Variants in RP1 observed in about 807,000 individuals in gnomAD.
RP1 encodes the protein oxygen-regulated protein 1.
RP1 carries 16 observed loss-of-function variants against 14.8 expected under a neutral mutation model. That is an observed-to-expected ratio of 1.08 (90% CI 0.73 to 1.65). The LOEUF is 1.65. RP1 is among the 40% of genes most tolerant of loss of function. The pLI is 0.00. For missense variants in RP1, 2,631 were observed against 2,535.0 expected, an observed-to-expected ratio of 1.04 and a Z score of -0.81; for synonymous variants, 876 against 883.6, an observed-to-expected ratio of 0.99 and a Z score of 0.15.
exon 12 of RP1, chr8:54,679,872 G>T (rs1299843730): frequency 2.6e-6 from 4 of 1,536,080 alleles, no homozygotes; most frequent in Non-Finnish European, 3.5e-6. Context: ...TGACTGGAGG[G>T]TTTGTCCGTT....
In RP1 at chr8:54,746,765, T is replaced by TA. The variant is rs543413355; in HGVS notation, c.2808+7742dup. Among the ~76,000 whole-genome samples, 39 of 152,318 alleles carry TA rather than the reference T, an allele frequency of 2.6e-4. 1 individual carries two copies. In the East Asian group the frequency reaches 6.9e-3, roughly 27 times the overall value. On this transcript the variant is annotated intron_variant, in intron 19 of 22. Transcript: ENST00000636932. ...GAAAGATGTTTAATTTCTAAAAAGT[T>TA]AAAAAATCACTTTTTCTCTAGGTTT...
chr8:54,662,474 C>A (rs931997498), intron 6 of RP1, among the ~76,000 whole-genome samples: 2 of 152,154 alleles, frequency 1.3e-5, no homozygotes, highest in Admixed American at 6.6e-5. Flanking sequence ...CCAGTTCCAC[C>A]AAACAGAAGA....
chr8:54,567,694 C>A (rs1193870438), intron 1 of RP1, among the ~76,000 whole-genome samples: 1 of 152,048 alleles, frequency 6.6e-6, no homozygotes. Context: ...AGATTTGAGA[C>A]CATGTAACAA....
At chr8:54,677,928 A>G (rs990011746) in intron 8 of RP1, among the ~76,000 whole-genome samples, 1 of 152,178 alleles carries the variant, frequency 6.6e-6, no homozygotes, top group Non-Finnish European at 1.5e-5. Flanking sequence ...TTGCAAATTA[A>G]TATGAAATTA....
chr8:54,593,602 G>GTA (rs1470145726), intron 1 of RP1, among the ~76,000 whole-genome samples: 1 of 152,172 alleles, frequency 6.6e-6, no homozygotes, highest in Non-Finnish European at 1.5e-5. Context: ...GCCACATCCA[G>GTA]TGTATGCAAA....
chr8:54,635,435 G>A (rs966768097), downstream of RP1, among the ~76,000 whole-genome samples: 1 of 152,088 alleles, frequency 6.6e-6, no homozygotes, highest in Non-Finnish European at 1.5e-5. Flanking sequence ...TAGGTTCATG[G>A]GAAAACATGA....
chr8:54,571,587 G>A (rs141319578), intron 1 of RP1, among the ~76,000 whole-genome samples: 52 of 152,316 alleles, frequency 3.4e-4, no homozygotes, highest in African/African-American at 1.2e-3. Flanking sequence ...ATCAGCTCAA[G>A]TCTTCCTTTT....
intron 19 of RP1, among the ~76,000 whole-genome samples, chr8:54,745,504 G>A (rs1319516972): frequency 6.6e-6 from 1 of 152,142 alleles, no homozygotes; most frequent in Admixed American, 6.5e-5. Context: ...AGTTTTTATG[G>A]TAATGTTCTC....
At chr8:54,779,241 AT>A (rs1810121589) in intron 23 of RP1, among the ~76,000 whole-genome samples, 1 of 152,174 alleles carries the variant, frequency 6.6e-6, no homozygotes, top group South Asian at 2.1e-4. Flanking sequence ...CTTTCACTGA[AT>A]CTTCCTGTGT....
chr8:54,757,776 G>A (rs1039345168), intron 21 of RP1, among the ~76,000 whole-genome samples: 11 of 152,206 alleles, frequency 7.2e-5, no homozygotes, highest in African/African-American at 2.2e-4. Flanking sequence ...ACTTGCATTT[G>A]CTACAACAGG....
chr8:54,640,807 T>C (rs1350916002), intron 3 of RP1, among the ~76,000 whole-genome samples: 1 of 152,126 alleles, frequency 6.6e-6, no homozygotes, highest in Admixed American at 6.5e-5. Context: ...TACTTAGAAG[T>C]TACTTATTTT....
chr8:54,759,649 C>T (rs1451483066), intron 22 of RP1, among the ~76,000 whole-genome samples: 5 of 152,158 alleles, frequency 3.3e-5, no homozygotes, highest in Non-Finnish European at 7.3e-5. Context: ...AAATCCCACA[C>T]CTTCTTGCTT....
At chr8:54,566,588 T>C (rs1395009007) in intron 1 of RP1, among the ~76,000 whole-genome samples, 2 of 152,172 alleles carry the variant, frequency 1.3e-5, no homozygotes, top group East Asian at 3.9e-4. Context: ...AATCTCTACC[T>C]GGTGGCTCTC....
chr8:54,604,997 A>G (rs1805392704), intron 1 of RP1, among the ~76,000 whole-genome samples: 1 of 152,018 alleles, frequency 6.6e-6, no homozygotes, highest in African/African-American at 2.4e-5. Context: ...CAGCTCCTGG[A>G]TTCATTGATT....
At chr8:54,774,101 A>G (rs1809976380), downstream of RP1, among the ~76,000 whole-genome samples, 1 of 152,198 alleles carries the variant, frequency 6.6e-6, no homozygotes, top group Admixed American at 6.5e-5. Context: ...TTCTGAGTCA[A>G]CTATAGATAG....
intron 3 of RP1, chr8:54,648,864 G>T: frequency 1.8e-6 from 1 of 554,478 alleles, no homozygotes. Context: ...CACTTTTTCA[G>T]AGGAGATGAA....
chr8:54,740,754 A>G (rs915829555), intron 19 of RP1, among the ~76,000 whole-genome samples: 1 of 151,882 alleles, frequency 6.6e-6, no homozygotes, highest in African/African-American at 2.4e-5. Context: ...GTAGAAAAAA[A>G]GCTTATGGGC....
intron 7 of RP1, among the ~76,000 whole-genome samples, chr8:54,673,227 A>C (rs909983753): frequency 6.6e-6 from 1 of 152,210 alleles, no homozygotes; most frequent in African/African-American, 2.4e-5. Context: ...ATGCATATGA[A>C]AATATTTTGA....
At chr8:54,684,445 C>CT (rs766273406) in intron 12 of RP1, among the ~76,000 whole-genome samples, 9 of 151,976 alleles carry the variant, frequency 5.9e-5, no homozygotes, top group Non-Finnish European at 1.0e-4. Context: ...TGGTAGTAGG[C>CT]TTTTTTTGGT....
Sources: gnomAD v4.1 joint callset for allele counts (sites outside exome capture counted in the v4.1 genomes callset) on GRCh38, gnomAD v4.1.1 for gene constraint, MANE v1.5 for transcripts, NCBI Gene and HGNC (gene_info 2026-07-23, HGNC 2026-07-21) for gene names.